The following RSBN1L variants were observed in gnomAD, a reference collection of about 807,000 sequenced individuals.
RSBN1L encodes the protein lysine-specific demethylase RSBN1L.
In RSBN1L, 30 loss-of-function variants were observed where a neutral mutation model predicts 67.7. The observed-to-expected ratio is 0.44, with a 90% CI of 0.33 to 0.60. The LOEUF is 0.60. Ranked by LOEUF, RSBN1L falls within the 20% of genes least tolerant of loss-of-function variation. The pLI is 0.02. For synonymous variants in RSBN1L, 433 were observed against 387.0 expected (o/e 1.12, Z -1.39); for missense variants, 992 against 1,031.7 (o/e 0.96, Z 0.53).
intron 1 of RSBN1L, among the ~76,000 whole-genome samples, chr7:77,717,694 T>TGAGG (rs1161697198): frequency 6.6e-6 from 1 of 151,796 alleles, no homozygotes; most frequent in Admixed American, 6.6e-5. Context: ...TGGTGTGGAG[T>TGAGG]GAGGGCAGGC....
intron 2 of RSBN1L, among the ~76,000 whole-genome samples, chr7:77,741,713 A>G (rs546910017): frequency 6.6e-6 from 1 of 151,828 alleles, no homozygotes; most frequent in East Asian, 1.9e-4. Context: ...AAAAGAAAAG[A>G]AAAGAATTAT....
chr7:77,769,186 T>A (rs1037962512), intron 5 of RSBN1L, among the ~76,000 whole-genome samples: 1 of 152,216 alleles, frequency 6.6e-6, no homozygotes. Context: ...TCTTTAAAAT[T>A]TTCTGCATTT....
intron 3 of RSBN1L, among the ~76,000 whole-genome samples, chr7:77,756,899 GA>G (rs1791627500): frequency 6.6e-6 from 1 of 152,144 alleles, no homozygotes; most frequent in South Asian, 2.1e-4. Flanking sequence ...CTTATATAAT[GA>G]TAGAAGCTGC....
intron 3 of RSBN1L, among the ~76,000 whole-genome samples, chr7:77,758,788 G>A (rs534902232): frequency 4.6e-5 from 7 of 152,156 alleles, no homozygotes; most frequent in South Asian, 4.2e-4. Flanking sequence ...GTGTTCTACC[G>A]TAGGGATAGA....
chr7:77,696,883 G>T lies in RSBN1L; in HGVS notation c.414G>T (p.Gln138His). The change falls in exon 1 of 8, where the codon CAG becomes CAT. Residue 138 changes from glutamine to histidine, a missense_variant. Physicochemically the swap from Gln to His is conservative, Grantham distance 24. Coordinates refer to ENST00000334955, the MANE Select transcript of RSBN1L (RefSeq NM_198467.3). ...LLVPPTLLHAQPHHLLLPAAA... is the reference protein window; with the variant it reads ...LLVPPTLLHAHPHHLLLPAAA... ...TCCCTCCTACGCTGCTGCACGCTCA[G>T]CCTCACCATCTCCTCCTGCCCGCCG... is the stretch of plus-strand genomic sequence containing the variant. 1 of 1,609,392 alleles carries T rather than the reference G, an allele frequency of 6.2e-7. No homozygotes were observed. Among genetic ancestry groups the T allele is most frequent in the Non-Finnish European group, 8.5e-7 (1 of 1,179,816 alleles).
intron 1 of RSBN1L, among the ~76,000 whole-genome samples, chr7:77,716,015 G>A (rs1791043808): frequency 6.6e-6 from 1 of 151,974 alleles, no homozygotes. Context: ...TACATGTTTT[G>A]CAAATGTTTT....
chr7:77,727,625 A>T lies in RSBN1L; in HGVS notation c.587-8785A>T, dbSNP rs998070961. Reference sequence around the variant, plus strand: ...CCTTACTCAGCTAATTAAAAAACAAATTTTTTTTTTTTTTTTCCCCTGTAG... The same window carrying T: ...CCTTACTCAGCTAATTAAAAAACAATTTTTTTTTTTTTTTTTCCCCTGTAG... On this transcript the variant is annotated intron_variant, in intron 1 of 7. Transcript: ENST00000334955. Among the ~76,000 whole-genome samples, 415 of 142,278 alleles carry T rather than the reference A, an allele frequency of 2.9e-3. 1 individual carries two copies. The highest frequency in any genetic ancestry group is 5.1e-3 in the Non-Finnish European group (330 of 64,566). 93.3% of individuals were successfully genotyped at this position (142,278 alleles called of 152,430 possible).
intron 2 of RSBN1L, among the ~76,000 whole-genome samples, chr7:77,746,494 G>A (rs530686005): frequency 6.6e-6 from 1 of 152,248 alleles, no homozygotes; most frequent in African/African-American, 2.4e-5. Context: ...ATTACAGTTC[G>A]ACATGAGATT....
chr7:77,779,793 TTAA>T lies in RSBN1L; in HGVS notation c.*626_*628del, dbSNP rs1367274201. 2.0e-5 allele frequency: 3 copies of T among 151,994 alleles called. No homozygotes were observed. The highest frequency in any genetic ancestry group is 4.4e-5 in the Non-Finnish European group (3 of 67,906). 9.4% of individuals were successfully genotyped at this position (151,994 alleles called of 1,614,324 possible). A position where few individuals can be genotyped will look rare whatever the true frequency, so the allele number is the denominator to read the frequency against. On this transcript the variant is annotated 3_prime_UTR_variant, in exon 8 of 8. Transcript: ENST00000334955. ...TACGTAATTCAAATCTAGTAAATAT[TTAA>T]GTTCCTCACACTGTGCAGGCTTTTT...
chr7:77,740,680 G>C (rs993320087), intron 2 of RSBN1L, among the ~76,000 whole-genome samples: 5 of 152,136 alleles, frequency 3.3e-5, no homozygotes, highest in African/African-American at 1.2e-4. Context: ...ATTAGTGGTA[G>C]AATTAACTCA....
chr7:77,709,212 G>A (rs1250020380), intron 1 of RSBN1L, among the ~76,000 whole-genome samples: 1 of 151,732 alleles, frequency 6.6e-6, no homozygotes, highest in Non-Finnish European at 1.5e-5. Flanking sequence ...ATGTGTATGT[G>A]TATGTGTGTC....
At chr7:77,701,653 CTTT>C (rs36070602) in intron 1 of RSBN1L, among the ~76,000 whole-genome samples, 10 of 127,878 alleles carry the variant, frequency 7.8e-5, no homozygotes, top group Admixed American at 1.5e-4. Flanking sequence ...CTGAATTTTA[CTTT>C]TTTTTTTTTT....
chr7:77,713,665 C>CT (rs751682740), intron 1 of RSBN1L, among the ~76,000 whole-genome samples: 16,488 of 144,770 alleles, frequency 0.11, 1,471 homozygotes, highest in African/African-American at 0.25. Flanking sequence ...CTCTCTCTTC[C>CT]TTTTTTTTTT....
intron 1 of RSBN1L, among the ~76,000 whole-genome samples, chr7:77,702,666 G>A (rs1273731433): frequency 6.6e-6 from 1 of 152,110 alleles, no homozygotes; most frequent in East Asian, 1.9e-4. Context: ...AGTCACTCGG[G>A]CTGCTATAAT....
rs368151940 is a variant in RSBN1L, at chr7:77,696,796, C to T, written c.327C>T (p.Gly109=). The T allele has an allele frequency of 6.2e-7, 1 of 1,613,654 alleles. No individual in the cohort carries two copies. Among genetic ancestry groups the T allele is most frequent in the African/African-American group, 1.3e-5 (1 of 74,958 alleles). ...GGAGCAGTTTCTCTTTCTCCGCTGG[C>T]ACGGCCGTTCCCTCCTCAGCCTCCG... is the stretch of plus-strand genomic sequence containing the variant. ...SSRSSFSFSA[G]TAVPSSASAS... is the part of the protein sequence containing the mutation. Residue 109 remains glycine (G), a synonymous_variant, in exon 1 of 8, where the codon GGC becomes GGT. Coordinates refer to ENST00000334955, the MANE Select transcript of RSBN1L (RefSeq NM_198467.3).
At chr7:77,761,860 C>T (rs1791700889) in intron 3 of RSBN1L, among the ~76,000 whole-genome samples, 1 of 152,168 alleles carries the variant, frequency 6.6e-6, no homozygotes, top group Non-Finnish European at 1.5e-5. Context: ...TTGATGACTT[C>T]AATTTAATTT....
At chr7:77,768,149 G>A (rs966942524) in intron 4 of RSBN1L, among the ~76,000 whole-genome samples, 4 of 151,862 alleles carry the variant, frequency 2.6e-5, no homozygotes, top group Admixed American at 6.6e-5. Context: ...GCCACTGCGC[G>A]CCCAGCCTTG....
At position 77,731,062 on chromosome 7, in the gene RSBN1L, G is replaced by A. The variant is rs561300981; in HGVS notation, c.587-5348G>A. On this transcript the variant is annotated intron_variant, in intron 1 of 7. Coordinates refer to ENST00000334955, the MANE Select transcript of RSBN1L (RefSeq NM_198467.3). ...GGTGTTGTCAGTGTTCTGGATTTTG[G>A]TCATTCTAATAGGTGTGTAGTGGTA... Among the ~76,000 whole-genome samples, 8 of 152,284 alleles carry A rather than the reference G, an allele frequency of 5.3e-5. No homozygotes were observed. The South Asian group carries it at 1.5e-3, about 28-fold the overall frequency.
intron 3 of RSBN1L, chr7:77,759,620 C>A: frequency 6.6e-6 from 1 of 152,116 alleles, no homozygotes; most frequent in East Asian, 1.9e-4. Flanking sequence ...AGCTTCTGCT[C>A]CCACCCCCCT....
Sources: allele counts gnomAD v4.1 joint callset (sites outside exome capture counted in the v4.1 genomes callset), GRCh38; gene constraint gnomAD v4.1.1; transcripts MANE v1.5; gene names NCBI Gene and HGNC (gene_info 2026-07-23, HGNC 2026-07-21).